SPTBN2: variants seen among roughly 807,000 people sequenced by gnomAD.
SPTBN2 encodes the protein spectrin beta, non-erythrocytic 2.
A neutral mutation model predicts 284.2 loss-of-function variants in SPTBN2; 107 were observed. That is an observed-to-expected ratio of 0.38 (90% CI 0.32 to 0.44). The LOEUF (loss-of-function observed/expected upper bound fraction) is 0.44. Among genes scored for constraint, SPTBN2 ranks in the 20% least tolerant of loss-of-function variants. SPTBN2 has a pLI of 1.00. For synonymous variants in SPTBN2, 1,289 were observed against 1,354.8 expected (o/e 0.95, Z 1.07); for missense variants, 2,569 against 3,287.1 (o/e 0.78, Z 5.34).
intron 6 of SPTBN2, 42 bp from the exon 7 acceptor site, chr11:66,714,213 C>T: frequency 6.2e-7 from 1 of 1,610,956 alleles, no homozygotes; most frequent in African/African-American, 1.3e-5. Flanking sequence ...GGGCTGAGCT[C>T]TGTTCTATGA....
Position 66,687,390 on chromosome 11 carries a change from A to G in SPTBN2, c.6722+37T>C. On this transcript the variant is annotated intron_variant, in intron 35 of 37. Coordinates refer to ENST00000533211, the MANE Select transcript of SPTBN2 (RefSeq NM_006946.4). This position sits in a 1 kb window ranked among gnomAD's most constrained non-coding sequence, Gnocchi z 5.2. ...CTCTATCTGGGCAGAGGCTCTGGGG[A>G]AGTGCCCTCTGAGAGCAGGCTCCAG... 1 of 1,596,408 alleles carries G rather than the reference A, an allele frequency of 6.3e-7. No homozygotes were observed.
In SPTBN2 at chr11:66,708,846, A is replaced by T; in HGVS notation, c.1191+56T>A. Reference sequence around the variant, plus strand: ...GGCCCCGGGTTTGGGGATGTGTGCAAGGCATCTGGGCCAGGGCCTGCCCTG... The same window carrying T: ...GGCCCCGGGTTTGGGGATGTGTGCATGGCATCTGGGCCAGGGCCTGCCCTG... On this transcript the variant is annotated intron_variant, in intron 11 of 37. Transcript: ENST00000533211. This position sits in a 1 kb window ranked among gnomAD's most constrained non-coding sequence, Gnocchi z 4.4. The T allele has an allele frequency of 6.9e-7, 1 of 1,439,708 alleles. No homozygotes were observed. The highest frequency in any genetic ancestry group is 9.8e-7 in the Non-Finnish European group (1 of 1,023,546). The allele number at this position is 1,439,708 out of a possible 1,614,324, so 89.2% of individuals were successfully genotyped here. A position where few individuals can be genotyped will look rare whatever the true frequency, so the allele number is the denominator to read the frequency against.
chr11:66,697,431 C>T (rs1310163238), intron 20 of SPTBN2, among the ~76,000 whole-genome samples: 1 of 152,160 alleles, frequency 6.6e-6, no homozygotes, highest in African/African-American at 2.4e-5. Context: ...GAAGCACACG[C>T]ATGTGGTGGT....
At position 66,687,599 on chromosome 11, in the gene SPTBN2, T is replaced by A. The variant is rs1940211489; in HGVS notation, c.6550A>T (p.Thr2184Ser). 2.5e-6 allele frequency: 4 copies of A among 1,608,844 alleles called. No homozygotes were observed. In the East Asian group the frequency reaches 8.9e-5, roughly 36 times the overall value. Residue 2184 changes from threonine to serine, a missense_variant, in exon 35 of 38, where the codon ACC (threonine) becomes TCC (serine). Transcript: ENST00000533211. This position sits in a 1 kb window ranked among gnomAD's most constrained non-coding sequence, Gnocchi z 5.2. Reference protein sequence around the residue: ...EANGPRGERQTRTRGPAPSAM... With the variant: ...EANGPRGERQSRTRGPAPSAM... ...GATGGGGCCGGGCCCCGAGTCCGGG[T>A]CTGCCTCTCTCCCCGGGGCCCATTG... is the stretch of plus-strand genomic sequence containing the variant.
At chr11:66,731,767 C>T (rs745418213), upstream of SPTBN2, among the ~76,000 whole-genome samples, 22 of 152,222 alleles carry the variant, frequency 1.4e-4, no homozygotes, top group Non-Finnish European at 2.6e-4. Context: ...TTCACTTCCT[C>T]GCCCCTGCTC....
chr11:66,705,708 G>C lies in SPTBN2; in HGVS notation c.1783C>G (p.Leu595Val). 6.2e-7 allele frequency: 1 copy of C among 1,612,168 alleles called. No individual in the cohort carries two copies. The highest frequency in any genetic ancestry group is 8.5e-7 in the Non-Finnish European group (1 of 1,179,996). ...CCTTTCCCTGGGTTGCAGAAGCGCAGGGCAGAGGCGCTGACGGCCCGCACC... is the reference window on the plus strand; with the variant it reads ...CCTTTCCCTGGGTTGCAGAAGCGCACGGCAGAGGCGCTGACGGCCCGCACC... ...ERVRAVSASA[L>V]RFCNPGKEYR... The change falls in exon 14 of 38, where the codon CTG (leucine) becomes GTG (valine). Residue 595 changes from leucine to valine, a missense_variant. Physicochemically the swap from Leu to Val is conservative, Grantham distance 32 (BLOSUM62 1). Transcript: ENST00000533211.
At chr11:66,702,937 CAAAA>C (rs1170116245) in intron 15 of SPTBN2, among the ~76,000 whole-genome samples, 8 of 42,626 alleles carry the variant, frequency 1.9e-4, no homozygotes, top group African/African-American at 9.2e-4. Context: ...GACTCCGTCT[CAAAA>C]AAAAAAAAAA....
chr11:66,686,800 G>T (rs1480061031), intron 36 of SPTBN2, 194 bp downstream of exon 36: 2 of 749,936 alleles, frequency 2.7e-6, no homozygotes, highest in African/African-American at 1.7e-5. Context: ...CTGGGTCTTG[G>T]TTCTCCTGCT....
At position 66,700,009 on chromosome 11, in the gene SPTBN2, G is replaced by A. The variant is rs1172778826; in HGVS notation, c.3574-401C>T. ...GTTTCATTCTGTGGCCCAGGTTGGAGTGCAGTGGCATATCATAGCTCACTG... is the reference window on the plus strand; with the variant it reads ...GTTTCATTCTGTGGCCCAGGTTGGAATGCAGTGGCATATCATAGCTCACTG... On this transcript the variant is annotated intron_variant, in intron 17 of 37. Coordinates refer to ENST00000533211, the MANE Select transcript of SPTBN2 (RefSeq NM_006946.4). The surrounding 1 kb of genome is among the most constrained non-coding windows in gnomAD (Gnocchi z 6.6). Among the ~76,000 whole-genome samples the A allele has an allele frequency of 3.3e-5, 5 of 151,434 alleles. No individual in the cohort carries two copies. The highest frequency in any genetic ancestry group is 1.2e-4 in the African/African-American group (5 of 41,156).
In SPTBN2 at chr11:66,710,587, C is replaced by A. The variant is rs150080880; in HGVS notation, c.1068G>T (p.Pro356=). The A allele has an allele frequency of 8.1e-6, 13 of 1,613,288 alleles. No homozygotes were observed. Among genetic ancestry groups the A allele is most frequent in the Admixed American group, 6.7e-5 (4 of 59,878 alleles). ...SFNSYRTVEK[P]PKFTEKGNLE... The stretch of plus-strand genomic sequence containing the variant: ...GGGGCCCCAGGGACACCTACTTGGG[C>A]GGCTTCTCCACGGTGCGGTAGGAGT... Residue 356 remains proline, a synonymous_variant, in exon 10 of 38, where the codon CCG becomes CCT. Transcript: ENST00000533211. This position sits in a 1 kb window ranked among gnomAD's most constrained non-coding sequence, Gnocchi z 4.9.
At position 66,707,677 on chromosome 11, in the gene SPTBN2, C is replaced by T. The variant is rs1358259183; in HGVS notation, c.1492G>A (p.Asp498Asn). The T allele has an allele frequency of 1.9e-6, 3 of 1,606,402 alleles. No individual in the cohort carries two copies. Among genetic ancestry groups the T allele is most frequent in the East Asian group, 2.2e-5 (1 of 44,858 alleles). The change falls in exon 13 of 38, where the codon GAC becomes AAC. Residue 498 changes from aspartate to asparagine, a missense_variant. Around this residue, in one of 6 missense-constraint regions of SPTBN2, gnomAD observed 1,012 missense variants for 1,248.9 expected, o/e 0.81. Transcript: ENST00000533211. The surrounding 1 kb of genome is among the most constrained non-coding windows in gnomAD (Gnocchi z 4.9). ...AAELAAERYH[D>N]IKRIAARQHN... Reference sequence around the variant, plus strand: ...TGCCGAGCGGCGATGCGCTTGATGTCGTGGTAGCGCTCGGCGGCCAGCTCT... The same window carrying T: ...TGCCGAGCGGCGATGCGCTTGATGTTGTGGTAGCGCTCGGCGGCCAGCTCT...
At position 66,693,046 on chromosome 11, in the gene SPTBN2, G is replaced by A; in HGVS notation, c.4909C>T (p.Leu1637=). The change falls in exon 25 of 38, where the codon CTG becomes TTG. Residue 1637 remains leucine, a synonymous_variant. Coordinates refer to ENST00000533211, the MANE Select transcript of SPTBN2 (RefSeq NM_006946.4). The surrounding 1 kb of genome is among the most constrained non-coding windows in gnomAD (Gnocchi z 5.7). ...VKKHQVLEQA[L]ADYAQTIHQL... Reference sequence around the variant, plus strand: ...TGGATGGTCTGCGCGTAGTCGGCCAGGGCTTGCTCCAGCACCTGGTGCTTC... The same window carrying A: ...TGGATGGTCTGCGCGTAGTCGGCCAAGGCTTGCTCCAGCACCTGGTGCTTC... 1.2e-6 allele frequency: 2 copies of A among 1,613,810 alleles called. No homozygotes were observed. The highest frequency in any genetic ancestry group is 1.7e-6 in the Non-Finnish European group (2 of 1,180,028).
At position 66,693,254 on chromosome 11, in the gene SPTBN2, C is replaced by A; in HGVS notation, c.4786G>T (p.Asp1596Tyr). 6.2e-7 allele frequency: 1 copy of A among 1,614,168 alleles called. No homozygotes were observed. The highest frequency in any genetic ancestry group is 8.5e-7 in the Non-Finnish European group (1 of 1,180,038). Residue 1596 changes from aspartate (D) to tyrosine (Y), a missense_variant, in exon 24 of 38, where the codon GAT (aspartate) becomes TAT (tyrosine). By Grantham distance (160) the Asp-to-Tyr change is radical. This residue lies in a region of SPTBN2 where 1,130 missense variants were observed against 1,317.3 expected (regional missense o/e 0.86). Coordinates refer to ENST00000533211, the MANE Select transcript of SPTBN2 (RefSeq NM_006946.4). This position sits in a 1 kb window ranked among gnomAD's most constrained non-coding sequence, Gnocchi z 5.7. ...DALRAQQFYRDAAEAEAWMGE... is the reference protein window; with the variant it reads ...DALRAQQFYRYAAEAEAWMGE... ...ATCCAGGCCTCCGCCTCGGCGGCAT[C>A]GCGGTAGAACTGCTGGGCTCGCAGG...
At position 66,687,176 on chromosome 11, in the gene SPTBN2, G is replaced by T. The variant is rs753917728; in HGVS notation, c.6723-9C>A. On this transcript the variant is annotated splice_polypyrimidine_tract_variant and intron_variant, in intron 35 of 37. Transcript: ENST00000533211. The surrounding 1 kb of genome is among the most constrained non-coding windows in gnomAD (Gnocchi z 5.2). Reference sequence around the variant, plus strand: ...ACACGTTCTGCCAGGACCTGCGAGGGACGCGGTGCTGACTGGCCGGCCTCA... The same window carrying T: ...ACACGTTCTGCCAGGACCTGCGAGGTACGCGGTGCTGACTGGCCGGCCTCA... 2.5e-6 allele frequency: 4 copies of T among 1,613,464 alleles called. No individual in the cohort carries two copies. Among genetic ancestry groups the T allele is most frequent in the African/African-American group, 2.7e-5 (2 of 74,944 alleles).
intron 16 of SPTBN2, 146 bp downstream of exon 16, chr11:66,701,438 T>C (rs1941241977): frequency 6.6e-7 from 1 of 1,525,414 alleles, no homozygotes; most frequent in African/African-American, 1.4e-5. Context: ...ATCTCTTTCA[T>C]CCTTTTTCCT....
rs772710398 is a variant in SPTBN2, at chr11:66,701,297, A to G, written c.2817-15T>C. ...ACTGCTGCCACCTGAGAGCAGGGGG[A>G]AGGTTCAGCTTCCTGCCCTGGCCAG... On this transcript the variant is annotated splice_polypyrimidine_tract_variant and intron_variant, in intron 16 of 37. Transcript: ENST00000533211. 3.7e-6 allele frequency: 6 copies of G among 1,610,330 alleles called. No individual in the cohort carries two copies. Among genetic ancestry groups the G allele is most frequent in the South Asian group, 1.1e-5 (1 of 91,018 alleles).
Position 66,685,210 on chromosome 11 carries a change from A to AGAGG in SPTBN2, c.*657_*660dup, listed in dbSNP as rs1045133309. On this transcript the variant is annotated 3_prime_UTR_variant, in exon 38 of 38. Coordinates refer to ENST00000533211, the MANE Select transcript of SPTBN2 (RefSeq NM_006946.4). The surrounding 1 kb of genome is among the most constrained non-coding windows in gnomAD (Gnocchi z 4.4). Reference sequence around the variant, plus strand: ...AAGGAGAGGACACAGGCTTGGGCAGAGAGGCTGTGGTCAGGAAAGCAAAGA... The same window carrying AGAGG: ...AAGGAGAGGACACAGGCTTGGGCAGAGAGGGAGGCTGTGGTCAGGAAAGCAAAGA... 1.3e-5 allele frequency: 2 copies of AGAGG among 156,132 alleles called. No individual in the cohort carries two copies. Among genetic ancestry groups the AGAGG allele is most frequent in the African/African-American group, 4.8e-5 (2 of 41,446 alleles). The allele number at this position is 156,132 out of a possible 1,614,324, so 9.7% of individuals were successfully genotyped here.
rs1449797502 is a variant in SPTBN2, at chr11:66,718,801, A to G, written c.157+2283T>C. On this transcript the variant is annotated intron_variant, in intron 3 of 37. Transcript: ENST00000533211. The surrounding 1 kb of genome is among the most constrained non-coding windows in gnomAD (Gnocchi z 4.8). ...GGGGTGTCCCGAACTCCTGAGACAG[A>G]GAGTGGGGGCACGCCTGGCTGCGGT... 6.6e-6 allele frequency among the ~76,000 whole-genome samples: 1 copy of G among 152,224 alleles called. No individual in the cohort carries two copies. The highest frequency in any genetic ancestry group is 1.5e-5 in the Non-Finnish European group (1 of 68,030).
chr11:66,683,838 G>A lies in SPTBN2; in HGVS notation c.*2033C>T, dbSNP rs1041508707. ...GAGTGCAAATACCTAGATTCCCTGA[G>A]CACCCCCAAGGTATGACTGTCTCTT... On this transcript the variant is annotated 3_prime_UTR_variant, in exon 38 of 38. Coordinates refer to ENST00000533211, the MANE Select transcript of SPTBN2 (RefSeq NM_006946.4). 6.6e-6 allele frequency among the ~76,000 whole-genome samples: 1 copy of A among 152,174 alleles called. No individual in the cohort carries two copies. Among genetic ancestry groups the A allele is most frequent in the African/African-American group, 2.4e-5 (1 of 41,442 alleles).
Sources: allele counts gnomAD v4.1 joint callset (sites outside exome capture counted in the v4.1 genomes callset), GRCh38; gene constraint gnomAD v4.1.1; regional missense constraint gnomAD v4.1.1; non-coding constraint Gnocchi (gnomAD v3.1); transcripts MANE v1.5; gene names NCBI Gene and HGNC (gene_info 2026-07-23, HGNC 2026-07-21).